The following PMS1 variants were observed in gnomAD, a reference collection of about 807,000 sequenced individuals.
PMS1 encodes the protein PMS1 protein homolog 1.
A neutral mutation model predicts 93.1 loss-of-function variants in PMS1; 79 were observed. That is an observed-to-expected ratio of 0.85 (90% confidence interval 0.71 to 1.02). PMS1 has a LOEUF of 1.02. Among genes scored for constraint, PMS1 ranks in the 50% least tolerant of loss-of-function variants. PMS1 has a pLI of 0.00. For missense variants in PMS1, 1,064 were observed against 1,085.3 expected (o/e 0.98, Z 0.28); for synonymous variants, 335 against 363.4 (o/e 0.92, Z 0.89).
intron 4 of PMS1, among the ~76,000 whole-genome samples, chr2:189,811,323 C>T (rs1000909311): frequency 3.3e-5 from 5 of 149,818 alleles, no homozygotes; most frequent in African/African-American, 9.8e-5. Context: ...CACGGTGGCT[C>T]ACACCTGTAA....
At chr2:189,866,355 G>A (rs1357245900) in intron 10 of PMS1, among the ~76,000 whole-genome samples, 2 of 151,080 alleles carry the variant, frequency 1.3e-5, no homozygotes, top group African/African-American at 2.4e-5. Context: ...ATATTGGCCT[G>A]AAAAAAAAAT....
At chr2:189,841,230 C>T (rs1185530942) in intron 5 of PMS1, among the ~76,000 whole-genome samples, 2 of 152,204 alleles carry the variant, frequency 1.3e-5, no homozygotes, top group South Asian at 4.2e-4. Context: ...ATAATACCTA[C>T]CTGAAATGAT....
At chr2:189,839,369 A>G (rs5743089) in intron 5 of PMS1, among the ~76,000 whole-genome samples, 1 of 152,170 alleles carries the variant, frequency 6.6e-6, no homozygotes, top group Admixed American at 6.5e-5. Flanking sequence ...TCTTTTTCTA[A>G]TATCTATCTC....
intron 5 of PMS1, among the ~76,000 whole-genome samples, chr2:189,832,801 A>G (rs1318545811): frequency 1.3e-5 from 2 of 152,202 alleles, no homozygotes; most frequent in Non-Finnish European, 1.5e-5. Flanking sequence ...GTATTTACCT[A>G]ACTTTAGTGC....
chr2:189,822,404 A>C (rs114951569), intron 5 of PMS1, among the ~76,000 whole-genome samples: 2,649 of 152,272 alleles, frequency 0.017, 77 homozygotes, highest in African/African-American at 0.06. Context: ...ATCCTGGAGA[A>C]GGCTTGATTT....
chr2:189,858,144 A>C (rs2055546832), intron 9 of PMS1, among the ~76,000 whole-genome samples: 1 of 152,080 alleles, frequency 6.6e-6, no homozygotes, highest in Admixed American at 6.6e-5. Context: ...TCAGGGAGTT[A>C]CTGACATTGT....
At chr2:189,863,715 A>G in intron 9 of PMS1, 28 bp from the exon 10 acceptor site, 2 of 1,493,442 alleles carry the variant, frequency 1.3e-6, no homozygotes, top group Admixed American at 1.7e-5. Context: ...TTATGATCTC[A>G]TTAGTTCTAT....
At chr2:189,863,466 C>T (rs1257678040) in intron 9 of PMS1, among the ~76,000 whole-genome samples, 1 of 152,072 alleles carries the variant, frequency 6.6e-6, no homozygotes, top group Non-Finnish European at 1.5e-5. Flanking sequence ...TTTGGCCAGG[C>T]TAGTCTTGAA....
Position 189,842,773 on chromosome 2 carries a change from A to G in PMS1, c.583-1191A>G, listed in dbSNP as rs746797677. 8.2e-4 allele frequency among the ~76,000 whole-genome samples: 125 copies of G among 152,112 alleles called. 1 individual carries two copies. The highest frequency in any genetic ancestry group is 1.6e-3 in the Non-Finnish European group (110 of 68,026). On this transcript the variant is annotated intron_variant, in intron 5 of 12. Transcript: ENST00000441310. ...CAGGAATTTTGATTAGTAATTAGCT[A>G]TACATCATTGAGCTATAGGGCATGG...
chr2:189,864,186 T>G lies in PMS1; in HGVS notation c.2300T>G (p.Leu767Arg), dbSNP rs756008351. The change falls in exon 10 of 13, where the codon CTT becomes CGT. Residue 767 changes from leucine to arginine, a missense_variant. Leu to Arg is a moderately radical substitution (Grantham distance 102). Transcript: ENST00000441310. ...AAAAGACTTCTTGAGAATCATAAAC[T>G]TCCTGCAGAGCCACTGGAAAAGCCA... ...LFKRLLENHK[L>R]PAEPLEKPIM... 2.5e-6 allele frequency: 4 copies of G among 1,610,320 alleles called. No homozygotes were observed. The Admixed American group carries it at 6.7e-5, about 27-fold the overall frequency.
rs570050132 is a variant in PMS1, at chr2:189,791,805, C to T, written c.-5C>T. 2.5e-5 allele frequency: 40 copies of T among 1,613,338 alleles called. No homozygotes were observed. The East Asian group carries it at 3.6e-4, about 14-fold the overall frequency. ...TATCTTCTAGCTGCTCTGTTAAAAG[C>T]GAAAATGAAACAATTGCCTGCGGCA... is the stretch of plus-strand genomic sequence containing the variant. On this transcript the variant is annotated 5_prime_UTR_variant, in exon 2 of 13. Transcript: ENST00000441310.
intron 11 of PMS1, among the ~76,000 whole-genome samples, chr2:189,870,984 A>G (rs1277566384): frequency 2.0e-5 from 3 of 152,226 alleles, no homozygotes; most frequent in African/African-American, 7.2e-5. Flanking sequence ...CTTACAAAGA[A>G]AAGAGGTTTA....
At chr2:189,874,400 G>A (rs1294941207) in intron 12 of PMS1, among the ~76,000 whole-genome samples, 2 of 152,146 alleles carry the variant, frequency 1.3e-5, no homozygotes, top group Non-Finnish European at 2.9e-5. Flanking sequence ...GGGAATCTTT[G>A]AATAAGCGGA....
At chr2:189,855,163 TC>T in intron 9 of PMS1, 35 bp downstream of exon 9, 1 of 1,562,694 alleles carries the variant, frequency 6.4e-7, no homozygotes, top group Admixed American at 1.7e-5. Context: ...ACTTGAATGT[TC>T]AGCTATTTCC....
intron 4 of PMS1, chr2:189,806,835 A>G (rs1470521384): frequency 4.7e-6 from 1 of 211,080 alleles, no homozygotes; most frequent in African/African-American, 2.3e-5. Flanking sequence ...TATTAAAGCT[A>G]TTACCTCTTT....
intron 6 of PMS1, among the ~76,000 whole-genome samples, chr2:189,850,208 C>G (rs762375020): frequency 5.3e-5 from 8 of 152,108 alleles, no homozygotes; most frequent in Non-Finnish European, 7.4e-5. Flanking sequence ...CTGTCCTGAA[C>G]AAAAGTGCTT....
chr2:189,851,511 T>C (rs1457839305), intron 6 of PMS1, among the ~76,000 whole-genome samples: 1 of 152,218 alleles, frequency 6.6e-6, no homozygotes, highest in East Asian at 1.9e-4. Context: ...TTTTTTCAAA[T>C]TGGCACAATT....
At chr2:189,809,517 C>A (rs1377132847) in intron 4 of PMS1, among the ~76,000 whole-genome samples, 2 of 105,810 alleles carry the variant, frequency 1.9e-5, no homozygotes, top group African/African-American at 3.7e-5. Flanking sequence ...AAAGACTTTT[C>A]CATAAGTATG....
intron 6 of PMS1, among the ~76,000 whole-genome samples, chr2:189,850,386 G>A (rs1486380737): frequency 2.0e-5 from 3 of 152,134 alleles, no homozygotes; most frequent in Non-Finnish European, 4.4e-5. Context: ...TCATAGTAAA[G>A]GAGTATAGGA....
Sources: allele counts gnomAD v4.1 joint callset (sites outside exome capture counted in the v4.1 genomes callset), GRCh38; gene constraint gnomAD v4.1.1; transcripts MANE v1.5; gene names NCBI Gene and HGNC (gene_info 2026-07-23, HGNC 2026-07-21).